The following CEP104 variants were observed in gnomAD, a reference collection of about 807,000 sequenced individuals.
CEP104 encodes centrosomal protein 104, also known as centrosomal protein of 104 kDa.
A neutral mutation model predicts 113.3 loss-of-function variants in CEP104; 84 were observed. That is an observed-to-expected ratio of 0.74 (90% confidence interval 0.62 to 0.89). CEP104 has a LOEUF of 0.89. CEP104 is among the 40% of genes least tolerant of loss of function. The pLI is 0.00. For missense variants in CEP104, 1,053 were observed against 1,156.6 expected (o/e 0.91, Z 1.30); for synonymous variants, 378 against 421.7 (o/e 0.90, Z 1.27).
chr1:3,853,498 T>C (rs1370813694), intron 1 of CEP104, among the ~76,000 whole-genome samples: 1 of 152,216 alleles, frequency 6.6e-6, no homozygotes, highest in African/African-American at 2.4e-5. Flanking sequence ...AAATTCCCAA[T>C]AGGAGGTAAC....
intron 1 of CEP104, chr1:3,856,086 A>C (rs1644721046): frequency 2.9e-6 from 1 of 347,742 alleles, no homozygotes; most frequent in Non-Finnish European, 4.0e-6. Context: ...TAGGAAACAA[A>C]ACTTGTCTCT....
In CEP104 at chr1:3,830,310, C is replaced by T. The variant is rs74690550; in HGVS notation, c.1837-313G>A. Among the ~76,000 whole-genome samples, 1,237 of 152,004 alleles carry T rather than the reference C, an allele frequency of 8.1e-3. 4 individuals are homozygous for T. The highest frequency in any genetic ancestry group is 0.014 in the Non-Finnish European group (920 of 67,990). On this transcript the variant is annotated intron_variant, in intron 13 of 21. Transcript: ENST00000378230. ...CTTGGAGGTGTGCGCTCCTGCGTAG[C>T]CGATGTGCAGATTTCAGGTTTTTGG... is the stretch of plus-strand genomic sequence containing the variant.
intron 1 of CEP104, among the ~76,000 whole-genome samples, chr1:3,855,348 CTT>C (rs60855655): frequency 0.35 from 44,562 of 128,972 alleles, 8,333 homozygotes; most frequent in Admixed American, 0.45. Context: ...TGCACAGCTA[CTT>C]TTTTTTTTTT....
chr1:3,830,298 G>A (rs975906345), intron 13 of CEP104, among the ~76,000 whole-genome samples: 16 of 152,072 alleles, frequency 1.1e-4, no homozygotes, highest in African/African-American at 3.6e-4. Context: ...GGAGGTGTGC[G>A]CTCCTGCGTA....
rs1254288750 is a variant in CEP104 at position 3,852,332 on chromosome 1, T to C, written c.76A>G (p.Ile26Val). The change falls in exon 2 of 22, where the codon ATC becomes GTC. Residue 26 changes from isoleucine to valine, a missense_variant. By Grantham distance (29) the Ile-to-Val change is conservative. Transcript: ENST00000378230. ...EDGFSARELMIHAPTVSGWRS... is the reference protein window; with the variant it reads ...EDGFSARELMVHAPTVSGWRS... Reference sequence around the variant, plus strand: ...CACCCACTGACAGTTGGCGCGTGGATCATGAGCTCCCGGGCACTGAAGCCG... The same window carrying C: ...CACCCACTGACAGTTGGCGCGTGGACCATGAGCTCCCGGGCACTGAAGCCG... 6.2e-7 allele frequency: 1 copy of C among 1,614,060 alleles called. No individual in the cohort carries two copies. Among genetic ancestry groups the C allele is most frequent in the South Asian group, 1.1e-5 (1 of 91,078 alleles).
chr1:3,827,498 G>A (rs770346673), intron 15 of CEP104, among the ~76,000 whole-genome samples: 2 of 152,158 alleles, frequency 1.3e-5, no homozygotes, highest in Non-Finnish European at 2.9e-5. Context: ...GCAATTACAG[G>A]CATGAGTCAC....
At chr1:3,829,615 G>A in intron 14 of CEP104, 176 bp downstream of exon 14, 1 of 724,970 alleles carries the variant, frequency 1.4e-6, no homozygotes, top group Non-Finnish European at 2.3e-6. Context: ...CTCACTGGCA[G>A]AAAGTGGAGC....
intron 1 of CEP104, chr1:3,855,893 T>C: frequency 1.0e-6 from 1 of 985,372 alleles, no homozygotes; most frequent in Non-Finnish European, 1.2e-6. Flanking sequence ...GAGGGATCCC[T>C]GTTGTCCCAG....
At chr1:3,826,294 G>A (rs1644089473) in intron 17 of CEP104, 76 bp downstream of exon 17, 14 of 1,265,316 alleles carry the variant, frequency 1.1e-5, no homozygotes, top group South Asian at 3.6e-5. Flanking sequence ...TAGGGAGGAC[G>A]CATTCCCTTT....
At chr1:3,831,649 C>A (rs755469577) in intron 12 of CEP104, among the ~76,000 whole-genome samples, 3 of 152,120 alleles carry the variant, frequency 2.0e-5, no homozygotes, top group Non-Finnish European at 2.9e-5. Context: ...TGCAGTGATA[C>A]GGTCACCAGT....
At chr1:3,836,174 C>A (rs570865597) in intron 10 of CEP104, among the ~76,000 whole-genome samples, 33 of 152,156 alleles carry the variant, frequency 2.2e-4, no homozygotes, top group Admixed American at 4.6e-4. Flanking sequence ...GGCGTGGTGG[C>A]GGGCACCTGT....
Position 3,848,705 on chromosome 1 carries a change from G to A in CEP104, c.190C>T (p.His64Tyr). Residue 64 changes from histidine to tyrosine, a missense_variant, in exon 3 of 22, where the codon CAC (histidine) becomes TAC (tyrosine). His to Tyr is a moderately conservative substitution (Grantham distance 83, BLOSUM62 2). Coordinates refer to ENST00000378230, the MANE Select transcript of CEP104 (RefSeq NM_014704.4). ...CRIRKLQLLA[H>Y]QYMISSKIEF... is the part of the protein sequence containing the mutation. ...ATTTTACTTGAAATCATATACTGGT[G>A]AGCAAGTAACTGCAGTTTCCTTATT... 1 of 1,613,486 alleles carries A rather than the reference G, an allele frequency of 6.2e-7. No individual in the cohort carries two copies. The highest frequency in any genetic ancestry group is 8.5e-7 in the Non-Finnish European group (1 of 1,179,608).
At chr1:3,836,976 TCAACTGA>T (rs1644326788) in intron 9 of CEP104, 1 of 514,394 alleles carries the variant, frequency 1.9e-6, no homozygotes, top group African/African-American at 1.9e-5. Flanking sequence ...CAATTTCAGT[TCAACTGA>T]CATGGAGACT....
rs776280457 is a variant in CEP104 at position 3,836,603 on chromosome 1, T to C, written c.1209A>G (p.Ala403=). The C allele has an allele frequency of 1.9e-6, 3 of 1,613,408 alleles. No homozygotes were observed. Among genetic ancestry groups the C allele is most frequent in the South Asian group, 1.1e-5 (1 of 91,038 alleles). ...EAVVEPEMSN[A]DISDARRGGM... ...CTCCCCTCCGAGCATCGCTGATGTC[T>C]GCATTACTCATTTCCGGCTCCACCA... The change falls in exon 10 of 22, where the codon GCA becomes GCG. Residue 403 remains alanine, a synonymous_variant. Transcript: ENST00000378230.
At chr1:3,844,437 G>C (rs1644469209) in intron 6 of CEP104, among the ~76,000 whole-genome samples, 1 of 152,138 alleles carries the variant, frequency 6.6e-6, no homozygotes, top group Non-Finnish European at 1.5e-5. Flanking sequence ...AGCAGAGTTT[G>C]CAGTGAGCCG....
chr1:3,831,108 C>T lies in CEP104; in HGVS notation c.1774G>A (p.Ala592Thr). Residue 592 changes from alanine to threonine, a missense_variant, in exon 13 of 22, where the codon GCC becomes ACC. Transcript: ENST00000378230. The part of the protein sequence containing the change: ...HLAMSQMGLL[A>T]RLLKDLGTGS... Reference sequence around the variant, plus strand: ...GTGCCCAGGTCTTTCAGCAGCCGGGCCAGGAGGCCCATCTGACTCATTGCC... The same window carrying T: ...GTGCCCAGGTCTTTCAGCAGCCGGGTCAGGAGGCCCATCTGACTCATTGCC... The T allele has an allele frequency of 6.2e-7, 1 of 1,614,198 alleles. No individual in the cohort carries two copies. Among genetic ancestry groups the T allele is most frequent in the Non-Finnish European group, 8.5e-7 (1 of 1,180,040 alleles).
Position 3,836,585 on chromosome 1 carries a change from C to CCGAGCAT in CEP104, c.1220_1226dup (p.Arg410CysfsTer35). 6.2e-7 allele frequency: 1 copy of CCGAGCAT among 1,613,192 alleles called. No individual in the cohort carries two copies. Among genetic ancestry groups the CCGAGCAT allele is most frequent in the Non-Finnish European group, 8.5e-7 (1 of 1,179,800 alleles). ...CTGGCTCCCCTAACATGCCTCCCCTCCGAGCATCGCTGATGTCTGCATTAC... is the reference window on the plus strand; with the variant it reads ...CTGGCTCCCCTAACATGCCTCCCCTCCGAGCATCGAGCATCGCTGATGTCTGCATTAC... On this transcript the variant is annotated frameshift_variant, in exon 10 of 22. Transcript: ENST00000378230. LOFTEE classifies it high-confidence loss of function.
In CEP104 at chr1:3,825,852, C is replaced by G. The variant is rs1439951344; in HGVS notation, c.2270G>C (p.Cys757Ser). ...TGTGAAGGATTCACTCCTTTCCCCA[C>G]AAAAAATACACAAACTGAAAGCAAA... is the stretch of plus-strand genomic sequence containing the variant. ...EHYLDNLCIF[C>S]GERSESFTEE... The change falls in exon 18 of 22, where the codon TGT (cysteine) becomes TCT (serine). Residue 757 changes from cysteine (C) to serine (S), a missense_variant. By Grantham distance (112) the Cys-to-Ser change is moderately radical. Coordinates refer to ENST00000378230, the MANE Select transcript of CEP104 (RefSeq NM_014704.4). 1 of 1,611,736 alleles carries G rather than the reference C, an allele frequency of 6.2e-7. No individual in the cohort carries two copies. The highest frequency in any genetic ancestry group is 8.5e-7 in the Non-Finnish European group (1 of 1,177,830).
intron 15 of CEP104, among the ~76,000 whole-genome samples, chr1:3,828,532 T>C (rs1173307778): frequency 1.3e-5 from 2 of 152,210 alleles, no homozygotes; most frequent in Admixed American, 1.3e-4. Flanking sequence ...GTAAGAACAC[T>C]TGACATGAGC....
Sources: gnomAD v4.1 joint callset for allele counts (sites outside exome capture counted in the v4.1 genomes callset) on GRCh38, gnomAD v4.1.1 for gene constraint, MANE v1.5 for transcripts, NCBI Gene and HGNC (gene_info 2026-07-23, HGNC 2026-07-21) for gene names.